Variants in ANXA11 observed in about 807,000 individuals in gnomAD.
ANXA11 encodes the protein annexin A11, also known as 56 kDa autoantigen.
A neutral mutation model predicts 64.7 loss-of-function variants in ANXA11; 57 were observed. The ratio of observed to expected loss-of-function variants is 0.88; its 90% CI spans 0.71 to 1.10. ANXA11 has a LOEUF of 1.10. ANXA11 is among the 50% of genes least tolerant of loss of function. The pLI is 0.00. For synonymous variants in ANXA11, 260 were observed against 265.2 expected (o/e 0.98, Z 0.19); for missense variants, 675 against 670.7 (o/e 1.01, Z -0.07).
intron 1 of ANXA11, among the ~76,000 whole-genome samples, chr10:80,187,275 G>A (rs1424570589): frequency 6.6e-6 from 1 of 152,208 alleles, no homozygotes; most frequent in Admixed American, 6.5e-5. Context: ...TCATGAATGG[G>A]ATTCATGGCC....
At chr10:80,172,917 G>A in intron 2 of ANXA11, 48 bp from the exon 3 acceptor site, 1 of 1,572,820 alleles carries the variant, frequency 6.4e-7, no homozygotes, top group Non-Finnish European at 8.7e-7. Context: ...GAGAGCCCCT[G>A]CTGGCCCGTG....
At chr10:80,190,395 G>A (rs1846720069) in intron 1 of ANXA11, among the ~76,000 whole-genome samples, 1 of 151,546 alleles carries the variant, frequency 6.6e-6, no homozygotes, top group South Asian at 2.1e-4. Context: ...ATATTAACTA[G>A]TTTGCTTTAT....
chr10:80,194,852 T>G (rs1846918963), intron 1 of ANXA11, among the ~76,000 whole-genome samples: 1 of 152,182 alleles, frequency 6.6e-6, no homozygotes, highest in Admixed American at 6.5e-5. Flanking sequence ...TTCTGCATGG[T>G]GACACTCGGC....
intron 4 of ANXA11, 132 bp from the exon 5 acceptor site, chr10:80,169,490 C>A: frequency 9.4e-7 from 1 of 1,062,162 alleles, no homozygotes; most frequent in Non-Finnish European, 1.4e-6. Flanking sequence ...CCGTTATACC[C>A]ATTTCACAGA....
At chr10:80,164,586 C>T (rs1455955083) in intron 8 of ANXA11, among the ~76,000 whole-genome samples, 1 of 152,204 alleles carries the variant, frequency 6.6e-6, no homozygotes, top group Non-Finnish European at 1.5e-5. Flanking sequence ...GGTGGAATGT[C>T]TGAAAACAAC....
chr10:80,168,594 C>T (rs1166426910), intron 5 of ANXA11, among the ~76,000 whole-genome samples: 1 of 152,148 alleles, frequency 6.6e-6, no homozygotes, highest in African/African-American at 2.4e-5. Context: ...AGTGCAGCGG[C>T]ATGATCCCGG....
chr10:80,170,884 A>G lies in ANXA11; in HGVS notation c.87T>C (p.Pro29=). 6.4e-7 allele frequency: 1 copy of G among 1,572,182 alleles called. No individual in the cohort carries two copies. Among genetic ancestry groups the G allele is most frequent in the South Asian group, 1.2e-5 (1 of 84,590 alleles). ...CGATGGGGGGCATGCTGGGCGGAGG[A>G]GGGTAGGCAGCACCTCCCCAGGGAC... ...GGGPWGGAAY[P]PPPSMPPIGL... The change falls in exon 4 of 16, where the codon CCT becomes CCC. Residue 29 remains proline, a synonymous_variant. Coordinates refer to ENST00000422982, the MANE Select transcript of ANXA11 (RefSeq NM_145868.2).
In ANXA11 at chr10:80,166,040, GCGCACACACACACACACACACACACA is replaced by G; in HGVS notation, c.858+18_858+43del. 1 of 1,076,334 alleles carries G rather than the reference GCGCACACACACACACACACACACACA, an allele frequency of 9.3e-7. No individual in the cohort carries two copies. Among genetic ancestry groups the G allele is most frequent in the Non-Finnish European group, 1.4e-6 (1 of 734,212 alleles). 66.7% of individuals were successfully genotyped at this position (1,076,334 alleles called of 1,614,324 possible). A position where few individuals can be genotyped will look rare whatever the true frequency, so the allele number is the denominator to read the frequency against. On this transcript the variant is annotated intron_variant, in intron 8 of 15. Transcript: ENST00000422982. ...CGCATGCGCGCGTGCGCACACACGC[GCGCACACACACACACACACACACACA>G]CACACACACGTACACACCTTGATGG...
chr10:80,193,628 G>A (rs546242091), intron 1 of ANXA11, among the ~76,000 whole-genome samples: 2 of 151,936 alleles, frequency 1.3e-5, no homozygotes, highest in East Asian at 2.0e-4. Context: ...CAGATCACTT[G>A]AGGCCAGGAG....
chr10:80,199,288 G>A (rs143135412), intron 1 of ANXA11, among the ~76,000 whole-genome samples: 4,679 of 151,854 alleles, frequency 0.031, 224 homozygotes, highest in African/African-American at 0.11. Flanking sequence ...TAGTAGAGGC[G>A]GGATTTCACC....
In ANXA11 at chr10:80,164,141, C is replaced by T; in HGVS notation, c.861G>A (p.Gly287=). ...DIYEIKEAIK[G]VGTDEACLIE... ...TCAGGCAGGCTTCATCAGTGCCAAC[C>T]CCCTGCAGGGGCAGAGAATACAACC... Residue 287 remains glycine (G), a splice_region_variant and synonymous_variant, in exon 9 of 16, where the codon GGG becomes GGA. Transcript: ENST00000422982. 6.2e-7 allele frequency: 1 copy of T among 1,613,654 alleles called. No homozygotes were observed. The highest frequency in any genetic ancestry group is 8.5e-7 in the Non-Finnish European group (1 of 1,179,656).
At chr10:80,185,752 T>C (rs1181955310) in intron 1 of ANXA11, among the ~76,000 whole-genome samples, 1 of 152,210 alleles carries the variant, frequency 6.6e-6, no homozygotes, top group African/African-American at 2.4e-5. Context: ...TGTAACTTGC[T>C]CAAGGTTATA....
intron 4 of ANXA11, among the ~76,000 whole-genome samples, chr10:80,170,516 TC>T (rs1845928352): frequency 6.6e-6 from 1 of 152,122 alleles, no homozygotes; most frequent in Non-Finnish European, 1.5e-5. Context: ...GCAGATACCC[TC>T]GCCACCTTCC....
At chr10:80,157,437 G>C (rs1262395509) in intron 15 of ANXA11, 1 of 985,228 alleles carries the variant, frequency 1.0e-6, no homozygotes, top group East Asian at 1.1e-4. Context: ...GATGCAAGGT[G>C]GGGGCGACAG....
At chr10:80,171,854 G>T (rs1845989505) in intron 3 of ANXA11, 1 of 985,382 alleles carries the variant, frequency 1.0e-6, no homozygotes, top group South Asian at 4.7e-5. Flanking sequence ...CTACTATAGA[G>T]AGAGAACCCA....
intron 8 of ANXA11, among the ~76,000 whole-genome samples, 178 bp from the exon 9 acceptor site, chr10:80,164,321 G>T (rs1302221416): frequency 6.6e-6 from 1 of 152,156 alleles, no homozygotes; most frequent in Non-Finnish European, 1.5e-5. Context: ...CCACAGCCCG[G>T]GCAAGCACAA....
chr10:80,171,376 G>A, intron 3 of ANXA11: 2 of 490,178 alleles, frequency 4.1e-6, no homozygotes, highest in South Asian at 6.0e-5. Flanking sequence ...TCTGTAAAAG[G>A]CAGGGAGAAG....
intron 1 of ANXA11, among the ~76,000 whole-genome samples, chr10:80,182,075 G>A (rs1159208929): frequency 6.6e-6 from 1 of 152,140 alleles, no homozygotes; most frequent in African/African-American, 2.4e-5. Flanking sequence ...CGATATTCTG[G>A]AGAAAGCAAC....
At chr10:80,204,897 A>C (rs1840603043) in intron 1 of ANXA11, 2 of 152,340 alleles carry the variant, frequency 1.3e-5, no homozygotes, top group Admixed American at 1.3e-4. Context: ...TCCTGAAGAT[A>C]GCCTTCTCTG....
Sources: gnomAD v4.1 joint callset for allele counts (sites outside exome capture counted in the v4.1 genomes callset) on GRCh38, gnomAD v4.1.1 for gene constraint, MANE v1.5 for transcripts, NCBI Gene and HGNC (gene_info 2026-07-23, HGNC 2026-07-21) for gene names.